SYNE2: variants seen among roughly 807,000 people sequenced by gnomAD.
SYNE2 encodes nesprin-2.
Under a neutral mutation model 856.3 loss-of-function variants are expected in SYNE2, and 431 were observed. The ratio of observed to expected loss-of-function variants is 0.50; its 90% CI spans 0.47 to 0.55. The LOEUF (loss-of-function observed/expected upper bound fraction) is 0.55, where lower values mean the gene tolerates loss of function less well. SYNE2 is among the 20% of genes least tolerant of loss of function. The pLI, the probability that SYNE2 is intolerant of heterozygous loss-of-function variation, is 0.00. For missense variants in SYNE2, 8,129 were observed against 8,023.2 expected, an observed-to-expected ratio of 1.01 and a Z score of -0.50; for synonymous variants, 2,923 against 2,872.3, an observed-to-expected ratio of 1.02 and a Z score of -0.56.
rs2098414794 is a variant in SYNE2, at chr14:64,172,242, C to CAT, written c.17235+1782_17235+1783dup. 2.0e-5 allele frequency among the ~76,000 whole-genome samples: 3 copies of CAT among 152,328 alleles called. 1 individual carries two copies. In the South Asian group the frequency reaches 6.2e-4, roughly 32 times the overall value. ...CTAACATCTCACTTACCTATCGCTG[C>CAT]ATAATGACACTCATCATTCTGTCTC... is the stretch of plus-strand genomic sequence containing the variant. On this transcript the variant is annotated intron_variant, in intron 94 of 115. Coordinates refer to ENST00000555002, the MANE Select transcript of SYNE2 (RefSeq NM_182914.3).
rs10673123 is a variant in SYNE2 at position 63,919,972 on chromosome 14, G to GTT, written c.79+10763_79+10764dup. Among the ~76,000 whole-genome samples the GTT allele has an allele frequency of 2.3e-3, 252 of 110,540 alleles. 4 individuals are homozygous for GTT. The highest frequency in any genetic ancestry group is 7.6e-3 in the African/African-American group (198 of 26,150). 72.5% of individuals were successfully genotyped at this position (110,540 alleles called of 152,430 possible). On this transcript the variant is annotated intron_variant, in intron 2 of 115. Coordinates refer to ENST00000555002, the MANE Select transcript of SYNE2 (RefSeq NM_182914.3). ...ATATCAGGCACATGATAAAAGGTAA[G>GTT]TTTTTTTTTTTTTTTTTTTAAGGTA...
intron 11 of SYNE2, among the ~76,000 whole-genome samples, chr14:63,969,220 A>G (rs1325534403): frequency 1.4e-5 from 2 of 147,500 alleles, no homozygotes; most frequent in African/African-American, 2.5e-5. Context: ...CCCAGGCTAG[A>G]GTGCAATGGT....
At chr14:64,008,270 T>G (rs1223591771) in intron 31 of SYNE2, among the ~76,000 whole-genome samples, 1 of 152,244 alleles carries the variant, frequency 6.6e-6, no homozygotes, top group Non-Finnish European at 1.5e-5. Context: ...CTCTGTAGTT[T>G]AAGATCCTTA....
intron 93 of SYNE2, 50 bp downstream of exon 93, chr14:64,169,021 A>G (rs1162983834): frequency 1.4e-6 from 2 of 1,425,222 alleles, no homozygotes; most frequent in African/African-American, 2.8e-5. Context: ...AAGGTAATGC[A>G]TTCAGTCAGG....
intron 3 of SYNE2, 77 bp from the exon 4 acceptor site, chr14:63,941,618 G>A: frequency 1.6e-6 from 2 of 1,252,804 alleles, no homozygotes; most frequent in Non-Finnish European, 2.3e-6. Flanking sequence ...TTTTCACAAA[G>A]CACATTTATG....
At chr14:64,018,609 A>G (rs1032800573) in intron 34 of SYNE2, among the ~76,000 whole-genome samples, 1 of 152,224 alleles carries the variant, frequency 6.6e-6, no homozygotes, top group African/African-American at 2.4e-5. Flanking sequence ...TTTCTGCCAC[A>G]ACTGTTCAAC....
intron 99 of SYNE2, among the ~76,000 whole-genome samples, chr14:64,191,566 C>T (rs1295659988): frequency 6.6e-6 from 1 of 152,098 alleles, no homozygotes; most frequent in Admixed American, 6.5e-5. Context: ...CCCACTGGCC[C>T]CAAGCATAGG....
intron 1 of SYNE2, among the ~76,000 whole-genome samples, chr14:63,812,429 C>A (rs570635512): frequency 6.6e-6 from 1 of 152,094 alleles, no homozygotes; most frequent in South Asian, 2.1e-4. Flanking sequence ...TCATATTGTT[C>A]AAACACACGT....
At chr14:64,017,328 CAAAAAAA>C (rs34399201) in intron 33 of SYNE2, among the ~76,000 whole-genome samples, 12 of 66,600 alleles carry the variant, frequency 1.8e-4, no homozygotes, top group Admixed American at 7.0e-4. Flanking sequence ...GACTCCATCT[CAAAAAAA>C]AAAAAAAAAA....
At chr14:63,957,197 A>C (rs2096251447) in intron 8 of SYNE2, among the ~76,000 whole-genome samples, 1 of 151,784 alleles carries the variant, frequency 6.6e-6, no homozygotes, top group Non-Finnish European at 1.5e-5. Flanking sequence ...TCCTGGGTTA[A>C]AGCGATTCTT....
chr14:63,907,364 A>G (rs1262033041), intron 1 of SYNE2, among the ~76,000 whole-genome samples: 1 of 152,194 alleles, frequency 6.6e-6, no homozygotes, highest in Admixed American at 6.6e-5. Flanking sequence ...CTGAAGCCCA[A>G]ACCACCTGGA....
chr14:64,020,995 T>A (rs1356448223), intron 35 of SYNE2, among the ~76,000 whole-genome samples: 1 of 152,218 alleles, frequency 6.6e-6, no homozygotes, highest in African/African-American at 2.4e-5. Context: ...TTCCATATAT[T>A]TTTCTTTATA....
At chr14:63,894,242 T>G (rs897518333) in intron 1 of SYNE2, among the ~76,000 whole-genome samples, 11 of 151,630 alleles carry the variant, frequency 7.3e-5, no homozygotes, top group Non-Finnish European at 1.3e-4. Context: ...ATTGTTCCTG[T>G]GCCCAGGCTG....
In SYNE2 at chr14:64,143,938, T is replaced by A; in HGVS notation, c.15473T>A (p.Leu5158Gln). ...CAGTGGCACCGTGTACATGGAATGCTGAATAGAAAGGTGTGTTCCTGCGTC... is the reference window on the plus strand; with the variant it reads ...CAGTGGCACCGTGTACATGGAATGCAGAATAGAAAGGTGTGTTCCTGCGTC... Reference protein sequence around the residue: ...NRQWHRVHGMLNRKIQHLEQL... With the variant: ...NRQWHRVHGMQNRKIQHLEQL... Residue 5158 changes from leucine (L) to glutamine (Q), a missense_variant, in exon 83 of 116, where the codon CTG (leucine) becomes CAG (glutamine). Coordinates refer to ENST00000555002, the MANE Select transcript of SYNE2 (RefSeq NM_182914.3). 6.2e-7 allele frequency: 1 copy of A among 1,614,182 alleles called. No homozygotes were observed. The highest frequency in any genetic ancestry group is 1.3e-5 in the African/African-American group (1 of 75,048).
chr14:64,209,707 C>A, intron 102 of SYNE2, 129 bp downstream of exon 102: 1 of 1,369,670 alleles, frequency 7.3e-7, no homozygotes, highest in Non-Finnish European at 1.0e-6. Flanking sequence ...TAAACCACAG[C>A]CTGCCCCCAG....
intron 1 of SYNE2, among the ~76,000 whole-genome samples, chr14:63,878,519 C>T (rs1461993453): frequency 2.0e-5 from 3 of 151,894 alleles, no homozygotes; most frequent in Non-Finnish European, 4.4e-5. Context: ...GCTGCTGAAG[C>T]CCCCTTTTAT....
intron 30 of SYNE2, among the ~76,000 whole-genome samples, chr14:64,004,483 C>G (rs1433745960): frequency 6.6e-6 from 1 of 152,124 alleles, no homozygotes; most frequent in African/African-American, 2.4e-5. Flanking sequence ...GCACGCGCCA[C>G]CACGCCTGGC....
chr14:63,819,639 C>T (rs1295596658), intron 1 of SYNE2, among the ~76,000 whole-genome samples: 3 of 151,752 alleles, frequency 2.0e-5, no homozygotes, highest in Non-Finnish European at 2.9e-5. Flanking sequence ...TGGGTTCATG[C>T]CATTCTCCTG....
intron 8 of SYNE2, chr14:63,956,279 TAGAC>T (rs938358350): frequency 1.0e-5 from 4 of 395,262 alleles, no homozygotes; most frequent in African/African-American, 8.3e-5. Flanking sequence ...ACAGATACAA[TAGAC>T]AGATAGCCTC....
Sources: allele counts gnomAD v4.1 joint callset (sites outside exome capture counted in the v4.1 genomes callset), GRCh38; gene constraint gnomAD v4.1.1; transcripts MANE v1.5; gene names NCBI Gene and HGNC (gene_info 2026-07-23, HGNC 2026-07-21).